Variants in MPP7 observed in about 807,000 individuals in gnomAD.
MPP7 encodes the protein MAGUK p55 subfamily member 7.
In MPP7, 60 loss-of-function variants were observed where a neutral mutation model predicts 76.5. The ratio of observed to expected loss-of-function variants is 0.78; its 90% CI spans 0.64 to 0.97. MPP7 has a LOEUF of 0.97. MPP7 is among the 50% of genes least tolerant of loss of function. The probability of loss-of-function intolerance (pLI) is 0.00; values close to 1 mark genes in which losing one functional copy is unlikely to be tolerated. For missense variants in MPP7, 641 were observed against 694.0 expected (o/e 0.92, Z 0.86); for synonymous variants, 237 against 244.5 (o/e 0.97, Z 0.29).
At chr10:28,113,248 C>T (rs183113084) in intron 11 of MPP7, among the ~76,000 whole-genome samples, 12 of 152,204 alleles carry the variant, frequency 7.9e-5, no homozygotes, top group East Asian at 5.8e-4. Flanking sequence ...AGGCTTTGGT[C>T]CCCCCATCTC....
At chr10:28,278,116 T>C (rs562355779) in intron 1 of MPP7, among the ~76,000 whole-genome samples, 1 of 152,074 alleles carries the variant, frequency 6.6e-6, no homozygotes, top group African/African-American at 2.4e-5. Context: ...TGTTTTAATA[T>C]AGAAAACTAA....
chr10:28,121,456 C>T (rs1316108629), intron 8 of MPP7, among the ~76,000 whole-genome samples: 3 of 151,444 alleles, frequency 2.0e-5, no homozygotes, highest in Non-Finnish European at 4.4e-5. Flanking sequence ...TTCTGGTGAG[C>T]GAGTAAAATA....
intron 8 of MPP7, among the ~76,000 whole-genome samples, chr10:28,122,143 G>C (rs1175348976): frequency 6.6e-6 from 1 of 152,010 alleles, no homozygotes; most frequent in African/African-American, 2.4e-5. Context: ...GAATTACATT[G>C]GTAGAGAGAA....
At chr10:28,266,110 C>T (rs868158500) in intron 1 of MPP7, among the ~76,000 whole-genome samples, 4 of 152,126 alleles carry the variant, frequency 2.6e-5, no homozygotes, top group African/African-American at 9.7e-5. Flanking sequence ...CAGGCGCCCA[C>T]CACCGTGCCC....
intron 2 of MPP7, among the ~76,000 whole-genome samples, chr10:28,228,171 T>G (rs367786003): frequency 6.6e-6 from 1 of 152,204 alleles, no homozygotes; most frequent in African/African-American, 2.4e-5. Flanking sequence ...CAAGGAAATA[T>G]ATGAATTACC....
chr10:28,133,302 T>C lies in MPP7; in HGVS notation c.316-1611A>G, dbSNP rs545437935. On this transcript the variant is annotated intron_variant, in intron 5 of 16. Coordinates refer to ENST00000683449, the MANE Select transcript of MPP7 (RefSeq NM_001318170.2). Reference sequence around the variant, plus strand: ...TAGCCCTTCTAAAGTTGCCCATCCATTGGGATGACCAAACTCTCCAGGATG... The same window carrying C: ...TAGCCCTTCTAAAGTTGCCCATCCACTGGGATGACCAAACTCTCCAGGATG... Among the ~76,000 whole-genome samples the C allele has an allele frequency of 2.0e-5, 3 of 152,290 alleles. No individual in the cohort carries two copies. The South Asian group carries it at 6.2e-4, about 32-fold the overall frequency.
intron 2 of MPP7, among the ~76,000 whole-genome samples, chr10:28,329,024 A>G (rs922737606): frequency 1.3e-5 from 2 of 152,138 alleles, no homozygotes; most frequent in African/African-American, 4.8e-5. Context: ...TTTTCTGTTC[A>G]TTTCTAAAAT....
chr10:28,183,673 G>C (rs1236440053), intron 3 of MPP7, among the ~76,000 whole-genome samples: 1 of 152,138 alleles, frequency 6.6e-6, no homozygotes, highest in Non-Finnish European at 1.5e-5. Flanking sequence ...TGTAGTCCTA[G>C]CTACTTGGAA....
At chr10:28,189,716 C>T (rs1837351169) in intron 3 of MPP7, among the ~76,000 whole-genome samples, 1 of 148,056 alleles carries the variant, frequency 6.8e-6, no homozygotes, top group Non-Finnish European at 1.5e-5. Context: ...ATAAAATGGT[C>T]AACTAAAAGC....
rs144399817 is a variant in MPP7, at chr10:28,203,911, G to C, written c.38-1640C>G. Reference sequence around the variant, plus strand: ...GAGGATTAAATGACTCAATACCTTAGAACAGTCCCTGTCACATAAAAAGTA... The same window carrying C: ...GAGGATTAAATGACTCAATACCTTACAACAGTCCCTGTCACATAAAAAGTA... On this transcript the variant is annotated intron_variant, in intron 2 of 16. Transcript: ENST00000683449. Among the ~76,000 whole-genome samples the C allele has an allele frequency of 3.0e-3, 462 of 152,192 alleles. 1 individual carries two copies. The highest frequency in any genetic ancestry group is 0.01 in the African/African-American group (417 of 41,532).
chr10:28,279,426 A>G (rs1840600875), intron 1 of MPP7, among the ~76,000 whole-genome samples: 1 of 152,028 alleles, frequency 6.6e-6, no homozygotes, highest in African/African-American at 2.4e-5. Context: ...AGAAATGCAC[A>G]GCATGCTCTT....
At chr10:28,253,862 C>T (rs1007334038) in intron 1 of MPP7, among the ~76,000 whole-genome samples, 2 of 151,284 alleles carry the variant, frequency 1.3e-5, no homozygotes, top group African/African-American at 2.4e-5. Context: ...CGGGTATGGT[C>T]GGGGGCACCT....
chr10:28,227,843 A>G (rs1459222034), intron 2 of MPP7, among the ~76,000 whole-genome samples: 1 of 152,216 alleles, frequency 6.6e-6, no homozygotes, highest in African/African-American at 2.4e-5. Context: ...CCCAGTAATG[A>G]GATTAGTGGA....
At chr10:28,153,984 T>C (rs2133791808) in intron 3 of MPP7, among the ~76,000 whole-genome samples, 1 of 152,180 alleles carries the variant, frequency 6.6e-6, no homozygotes, top group East Asian at 1.9e-4. Flanking sequence ...TTTTAAATAC[T>C]GGGGGTGGGG....
intron 6 of MPP7, among the ~76,000 whole-genome samples, chr10:28,125,527 A>G (rs2133644966): frequency 6.6e-6 from 1 of 152,292 alleles, no homozygotes; most frequent in East Asian, 1.9e-4. Flanking sequence ...ATGTTAAAAA[A>G]CTAAAACCCA....
At chr10:28,262,065 C>A (rs939469726) in intron 1 of MPP7, among the ~76,000 whole-genome samples, 3 of 150,414 alleles carry the variant, frequency 2.0e-5, no homozygotes, top group South Asian at 2.1e-4. Context: ...GCAGGAGAAT[C>A]GCTTGAACTT....
chr10:28,121,523 T>C (rs771840373), intron 8 of MPP7, among the ~76,000 whole-genome samples: 2 of 152,158 alleles, frequency 1.3e-5, no homozygotes, highest in Non-Finnish European at 2.9e-5. Context: ...TCTAACTTCA[T>C]TAAAATAAGT....
In MPP7 at chr10:28,120,317, G is replaced by T; in HGVS notation, c.764C>A (p.Ser255Tyr). 1.2e-6 allele frequency: 2 copies of T among 1,613,980 alleles called. No individual in the cohort carries two copies. Among genetic ancestry groups the T allele is most frequent in the African/African-American group, 2.7e-5 (2 of 75,012 alleles). The change falls in exon 10 of 17, where the codon TCT becomes TAT. Residue 255 changes from serine to tyrosine, a missense_variant. Coordinates refer to ENST00000683449, the MANE Select transcript of MPP7 (RefSeq NM_001318170.2). ...CTGAAGAATATCTCCCTTTTTGAAAGAAAGCCCAGCTTCCTTACATGGAAT... is the reference window on the plus strand; with the variant it reads ...CTGAAGAATATCTCCCTTTTTGAAATAAAGCCCAGCTTCCTTACATGGAAT... ...KAIPCKEAGL[S>Y]FKKGDILQIM... is the part of the protein sequence containing the mutation.
chr10:28,196,832 G>A (rs1250529299), intron 3 of MPP7, among the ~76,000 whole-genome samples: 1 of 152,090 alleles, frequency 6.6e-6, no homozygotes, highest in Non-Finnish European at 1.5e-5. Context: ...TCTCTGACCT[G>A]GGAATCTCAT....
Sources: allele counts gnomAD v4.1 joint callset (sites outside exome capture counted in the v4.1 genomes callset), GRCh38; gene constraint gnomAD v4.1.1; transcripts MANE v1.5; gene names NCBI Gene and HGNC (gene_info 2026-07-23, HGNC 2026-07-21).